GPR161: variants seen among roughly 807,000 people sequenced by gnomAD.
GPR161 encodes the protein G-protein coupled receptor RE2.
In GPR161, 25 loss-of-function variants were observed where a neutral mutation model predicts 39.2. That is an observed-to-expected ratio of 0.64 (90% confidence interval 0.47 to 0.89). The LOEUF is 0.89. Ranked by LOEUF, GPR161 falls within the 40% of genes least tolerant of loss-of-function variation. The pLI is 0.00. For missense variants in GPR161, 547 were observed against 677.8 expected (o/e 0.81, Z 2.14); for synonymous variants, 286 against 276.6 (o/e 1.03, Z -0.34).
rs1164018418 is a variant in GPR161, at chr1:168,085,481, C to T, written c.*50G>A. 3.8e-6 allele frequency: 6 copies of T among 1,561,150 alleles called. No homozygotes were observed. Among genetic ancestry groups the T allele is most frequent in the African/African-American group, 1.4e-5 (1 of 73,674 alleles). On this transcript the variant is annotated 3_prime_UTR_variant, in exon 6 of 6. Transcript: ENST00000682931. Reference sequence around the variant, plus strand: ...CGCGGCACAGGCGGTGATGGGAACTCCTCCCCGGGCCAGCCTCTCAGGCTG... The same window carrying T: ...CGCGGCACAGGCGGTGATGGGAACTTCTCCCCGGGCCAGCCTCTCAGGCTG...
intron 1 of GPR161, among the ~76,000 whole-genome samples, chr1:168,131,151 C>A (rs1336591888): frequency 6.6e-6 from 1 of 152,112 alleles, no homozygotes; most frequent in Non-Finnish European, 1.5e-5. Flanking sequence ...AGCTCAGAGC[C>A]TCACCATCTT....
Position 168,096,828 on chromosome 1 carries a change from A to T in GPR161, c.779T>A (p.Val260Asp). ...GSRRNAFQGV[V>D]YSANQCKALI... is the part of the protein sequence containing the mutation. ...GGCTTTGCACTGGTTGGCCGAGTAGACCACACCCTGAAAGGCATTCCTCCT... is the reference window on the plus strand; with the variant it reads ...GGCTTTGCACTGGTTGGCCGAGTAGTCCACACCCTGAAAGGCATTCCTCCT... The change falls in exon 3 of 6, where the codon GTC becomes GAC. Residue 260 changes from valine to aspartate, a missense_variant. Val to Asp is a radical substitution (Grantham distance 152). Transcript: ENST00000682931. The T allele has an allele frequency of 1.2e-6, 2 of 1,614,126 alleles. No homozygotes were observed. The highest frequency in any genetic ancestry group is 1.7e-6 in the Non-Finnish European group (2 of 1,180,022).
Position 168,119,273 on chromosome 1 carries a change from T to TATATATGTACATATATATATGTATAC in GPR161, c.-44-14380_-44-14379insGTATACATATATATATGTACATATAT, listed in dbSNP as rs1558130212. 1.1e-4 allele frequency among the ~76,000 whole-genome samples: 13 copies of TATATATGTACATATATATATGTATAC among 115,228 alleles called. 1 individual carries two copies. The highest frequency in any genetic ancestry group is 4.2e-4 in the Admixed American group (5 of 11,854). The allele number at this position is 115,228 out of a possible 152,430, so 75.6% of individuals were successfully genotyped here. On this transcript the variant is annotated intron_variant, in intron 1 of 5. Transcript: ENST00000682931. ...ATATATATACGTATATATATGTGTA[T>TATATATGTACATATATATATGTATAC]ATATATATATATATACACATATATA...
intron 1 of GPR161, among the ~76,000 whole-genome samples, chr1:168,128,585 T>C (rs942252248): frequency 5.9e-5 from 9 of 152,314 alleles, no homozygotes; most frequent in African/African-American, 2.2e-4. Flanking sequence ...AAACAAGCCC[T>C]TCCATAACAT....
rs756587055 is a variant in GPR161, at chr1:168,096,594, A to G, written c.1013T>C (p.Met338Thr). Reference protein sequence around the residue: ...NKTVRKELLGMCFGDRYYREP... With the variant: ...NKTVRKELLGTCFGDRYYREP... ...CCGATAATACCGGTCCCCAAAGCAC[A>G]TGCCCAGTAGTTCTTTGCGAACTGT... Residue 338 changes from methionine (M) to threonine (T), a missense_variant, in exon 3 of 6, where the codon ATG becomes ACG. Met to Thr is a moderately conservative substitution (Grantham distance 81, BLOSUM62 -1). Coordinates refer to ENST00000682931, the MANE Select transcript of GPR161 (RefSeq NM_001375883.1). 4 of 1,614,060 alleles carry G rather than the reference A, an allele frequency of 2.5e-6. No individual in the cohort carries two copies. In the African/African-American group the frequency reaches 4.0e-5, roughly 16 times the overall value.
In GPR161 at chr1:168,079,848, A is replaced by T. The variant is rs1160165963; in HGVS notation, c.*5683T>A. On this transcript the variant is annotated 3_prime_UTR_variant, in exon 6 of 6. Coordinates refer to ENST00000682931, the MANE Select transcript of GPR161 (RefSeq NM_001375883.1). ...GTCTGCCAGGCCTGTGATTCTCCCT[A>T]GGACTGTCTTTTCCTCTGGGAGGAC... 1 of 152,124 alleles carries T rather than the reference A, an allele frequency of 6.6e-6. No individual in the cohort carries two copies. 9.4% of individuals were successfully genotyped at this position (152,124 alleles called of 1,614,324 possible). A position where few individuals can be genotyped will look rare whatever the true frequency, so the allele number is the denominator to read the frequency against.
intron 1 of GPR161, among the ~76,000 whole-genome samples, chr1:168,113,912 AACAAACCCCTGTG>A: frequency 6.6e-6 from 1 of 151,868 alleles, no homozygotes; most frequent in Non-Finnish European, 1.5e-5. Context: ...ATAATTGTAC[AACAAACCCCTGTG>A]ACATGAGTTT....
chr1:168,126,703 C>T (rs1017153206), intron 1 of GPR161, among the ~76,000 whole-genome samples: 8 of 152,160 alleles, frequency 5.3e-5, no homozygotes, highest in African/African-American at 1.4e-4. Context: ...ATCCGCCCAC[C>T]ATGGCTGCTC....
intron 4 of GPR161, 25 bp downstream of exon 4, chr1:168,090,539 G>C (rs575056860): frequency 7.4e-7 from 1 of 1,349,488 alleles, no homozygotes; most frequent in Admixed American, 1.7e-5. Flanking sequence ...CGACAGGTGA[G>C]AGGCTTATAA....
rs1262320218 is a variant in GPR161, at chr1:168,083,133, C to G, written c.*2398G>C. 6.6e-6 allele frequency: 1 copy of G among 152,170 alleles called. No homozygotes were observed. The highest frequency in any genetic ancestry group is 1.5e-5 in the Non-Finnish European group (1 of 68,036). The allele number at this position is 152,170 out of a possible 1,614,324, so 9.4% of individuals were successfully genotyped here. On this transcript the variant is annotated 3_prime_UTR_variant, in exon 6 of 6. Coordinates refer to ENST00000682931, the MANE Select transcript of GPR161 (RefSeq NM_001375883.1). ...GAATCGGTATCCACAGGTCCTGCTC[C>G]CTAAATCAGAGTGCACACTTTAGTG...
intron 4 of GPR161, chr1:168,088,844 C>G (rs553927272): frequency 2.4e-4 from 37 of 152,352 alleles, no homozygotes; most frequent in Admixed American, 9.1e-4. Flanking sequence ...TGCGCCGGGG[C>G]ACCTTCCACG....
intron 2 of GPR161, among the ~76,000 whole-genome samples, chr1:168,099,361 CT>C (rs3835596): frequency 0.39 from 58,823 of 151,986 alleles, 11,835 homozygotes; most frequent in Admixed American, 0.48. Flanking sequence ...GAGATTTCTA[CT>C]TTTTTTCTAT....
At chr1:168,111,415 G>A (rs1697155284) in intron 1 of GPR161, among the ~76,000 whole-genome samples, 1 of 152,214 alleles carries the variant, frequency 6.6e-6, no homozygotes, top group African/African-American at 2.4e-5. Context: ...AGGAGGAAAA[G>A]TCTTTGATGA....
intron 1 of GPR161, among the ~76,000 whole-genome samples, chr1:168,130,163 A>G (rs1320417000): frequency 6.6e-6 from 1 of 152,020 alleles, no homozygotes; most frequent in Non-Finnish European, 1.5e-5. Context: ...TTCCTTTCTC[A>G]TCTACAGAGG....
At chr1:168,130,402 C>A (rs534381323) in intron 1 of GPR161, among the ~76,000 whole-genome samples, 1 of 152,148 alleles carries the variant, frequency 6.6e-6, no homozygotes, top group Non-Finnish European at 1.5e-5. Context: ...CTGCAGCTTT[C>A]CCCCTTGCCA....
intron 1 of GPR161, among the ~76,000 whole-genome samples, chr1:168,124,251 T>G (rs577448970): frequency 5.2e-4 from 79 of 152,236 alleles, no homozygotes; most frequent in Admixed American, 9.8e-4. Flanking sequence ...GGAGAGGGTG[T>G]CCAGTTACAA....
At chr1:168,101,473 G>A (rs576663555) in intron 2 of GPR161, among the ~76,000 whole-genome samples, 4 of 152,308 alleles carry the variant, frequency 2.6e-5, no homozygotes, top group South Asian at 2.1e-4. Context: ...TGCTAAGGTG[G>A]AGAAACCCTG....
chr1:168,118,427 G>A (rs1697815351), intron 1 of GPR161, among the ~76,000 whole-genome samples: 2 of 152,188 alleles, frequency 1.3e-5, no homozygotes, highest in Non-Finnish European at 2.9e-5. Flanking sequence ...TAGAAGTGGT[G>A]TAGAGTGGTA....
chr1:168,135,996 C>T (rs1444279898), intron 1 of GPR161: 5 of 1,212,046 alleles, frequency 4.1e-6, no homozygotes, highest in African/African-American at 1.6e-5. Context: ...AAGCACAGGA[C>T]ACACCCCACT....
Sources: allele counts gnomAD v4.1 joint callset (sites outside exome capture counted in the v4.1 genomes callset), GRCh38; gene constraint gnomAD v4.1.1; transcripts MANE v1.5; gene names NCBI Gene and HGNC (gene_info 2026-07-23, HGNC 2026-07-21).